Variants in CNTN6 observed in about 807,000 individuals in gnomAD.
CNTN6 encodes contactin-6.
Under a neutral mutation model 122.8 loss-of-function variants are expected in CNTN6, and 137 were observed. That is an observed-to-expected ratio of 1.12 (90% CI 0.97 to 1.29). The LOEUF (loss-of-function observed/expected upper bound fraction) is 1.29, where lower values mean the gene tolerates loss of function less well. Among genes scored for constraint, CNTN6 ranks in the 50% most tolerant of loss-of-function variants. The pLI is 0.00. For synonymous variants in CNTN6, 570 were observed against 426.0 expected (o/e 1.34, Z -4.16); for missense variants, 1,634 against 1,223.4 (o/e 1.34, Z -5.01).
chr3:1,139,853 G>A (rs375120146), intron 1 of CNTN6, among the ~76,000 whole-genome samples: 1 of 152,178 alleles, frequency 6.6e-6, no homozygotes, highest in South Asian at 2.1e-4. Context: ...AGCAGCGTAT[G>A]ACTGGTTGAA....
intron 3 of CNTN6, among the ~76,000 whole-genome samples, chr3:1,222,814 C>G (rs1460357998): frequency 6.6e-6 from 1 of 151,950 alleles, no homozygotes; most frequent in Admixed American, 6.6e-5. Context: ...GGCACTAACC[C>G]TGGTGCTTAT....
At chr3:1,232,199 G>C (rs745549867) in intron 4 of CNTN6, among the ~76,000 whole-genome samples, 4 of 152,096 alleles carry the variant, frequency 2.6e-5, no homozygotes, top group Admixed American at 6.6e-5. Context: ...TCATGAATGG[G>C]GCTTTTTGAT....
At chr3:1,373,072 T>C (rs1709306309) in intron 14 of CNTN6, 117 bp downstream of exon 14, 11 of 640,630 alleles carry the variant, frequency 1.7e-5, no homozygotes, top group Admixed American at 2.8e-5. Context: ...TGTAATCAGA[T>C]AGAGTTTTAT....
chr3:1,306,587 GT>G (rs1698393635), intron 7 of CNTN6, among the ~76,000 whole-genome samples: 1 of 152,134 alleles, frequency 6.6e-6, no homozygotes, highest in African/African-American at 2.4e-5. Flanking sequence ...AACTTCACTT[GT>G]CAATAGCTGG....
At chr3:1,130,482 T>C (rs1287263726) in intron 1 of CNTN6, among the ~76,000 whole-genome samples, 2 of 152,088 alleles carry the variant, frequency 1.3e-5, no homozygotes, top group African/African-American at 4.8e-5. Flanking sequence ...AATTGATAAA[T>C]AAATACCCAT....
intron 6 of CNTN6, 37 bp from the exon 7 acceptor site, chr3:1,297,852 C>A: frequency 6.6e-7 from 1 of 1,513,270 alleles, no homozygotes; most frequent in Non-Finnish European, 9.1e-7. Context: ...AACTTCTATT[C>A]TCCAGAAATG....
chr3:1,234,799 C>T (rs2094400803), intron 4 of CNTN6, among the ~76,000 whole-genome samples: 1 of 152,070 alleles, frequency 6.6e-6, no homozygotes, highest in Admixed American at 6.6e-5. Flanking sequence ...GTATCATTTG[C>T]AAATAGCATA....
chr3:1,109,045 G>A (rs1302201414), intron 1 of CNTN6, among the ~76,000 whole-genome samples: 1 of 151,980 alleles, frequency 6.6e-6, no homozygotes, highest in Non-Finnish European at 1.5e-5. Flanking sequence ...TTTAATTGTG[G>A]CAAAAGAGAA....
Position 1,140,143 on chromosome 3 carries a change from G to T in CNTN6, c.-82-7784G>T, listed in dbSNP as rs143584623. ...TTTGTCCAATGAATAAGTATTTCTT[G>T]TCACCTTTTTAGGAACGGAAAGTCA... is the stretch of plus-strand genomic sequence containing the variant. On this transcript the variant is annotated intron_variant, in intron 1 of 22. Transcript: ENST00000446702. Among the ~76,000 whole-genome samples, 5 of 152,268 alleles carry T rather than the reference G, an allele frequency of 3.3e-5. No homozygotes were observed. In the East Asian group the frequency reaches 5.8e-4, roughly 18 times the overall value.
At chr3:1,265,197 T>A (rs1184976549) in intron 4 of CNTN6, among the ~76,000 whole-genome samples, 2 of 152,102 alleles carry the variant, frequency 1.3e-5, no homozygotes, top group Non-Finnish European at 2.9e-5. Flanking sequence ...GCATACTGAT[T>A]TCAATTTCTT....
intron 4 of CNTN6, among the ~76,000 whole-genome samples, 177 bp from the exon 5 acceptor site, chr3:1,278,236 C>G (rs1307467752): frequency 6.6e-6 from 1 of 152,142 alleles, no homozygotes; most frequent in Non-Finnish European, 1.5e-5. Context: ...AAGAAAGAAA[C>G]ACAAGATTTT....
chr3:1,093,034 G>A lies in CNTN6; in HGVS notation c.-169G>A, dbSNP rs559035993. ...CTGCATAGACATTCCATACGGCTTG[G>A]TTCTGCCTGGACGCACAGCATGCCT... On this transcript the variant is annotated 5_prime_UTR_variant, in exon 1 of 23. Coordinates refer to ENST00000446702, the MANE Select transcript of CNTN6 (RefSeq NM_001289080.2). 1 of 343,678 alleles carries A rather than the reference G, an allele frequency of 2.9e-6. No homozygotes were observed. The allele number at this position is 343,678 out of a possible 1,614,324, so 21.3% of individuals were successfully genotyped here. A position where few individuals can be genotyped will look rare whatever the true frequency, so the allele number is the denominator to read the frequency against.
In CNTN6 at chr3:1,253,762, AAC is replaced by A. The variant is rs373050864; in HGVS notation, c.359-24648_359-24647del. Reference sequence around the variant, plus strand: ...TGACAGGAGGCAGAATTCAGGCGGTAACACTCTCTCACCTGCCACTCACCTCA... The same window carrying A: ...TGACAGGAGGCAGAATTCAGGCGGTAACTCTCTCACCTGCCACTCACCTCA... On this transcript the variant is annotated intron_variant, in intron 4 of 22. Coordinates refer to ENST00000446702, the MANE Select transcript of CNTN6 (RefSeq NM_001289080.2). 9.2e-5 allele frequency among the ~76,000 whole-genome samples: 14 copies of A among 152,230 alleles called. No individual in the cohort carries two copies. The East Asian group carries it at 2.3e-3, about 25-fold the overall frequency.
At chr3:1,287,861 T>C (rs1372511968) in intron 5 of CNTN6, among the ~76,000 whole-genome samples, 1 of 152,220 alleles carries the variant, frequency 6.6e-6, no homozygotes, top group African/African-American at 2.4e-5. Flanking sequence ...TCTCCTCCTC[T>C]TTCCCAGAAA....
chr3:1,265,068 G>A (rs375000615), intron 4 of CNTN6, among the ~76,000 whole-genome samples: 84 of 101,708 alleles, frequency 8.3e-4, no homozygotes, highest in African/African-American at 3.3e-3. Context: ...TTTTTTGGCT[G>A]GATAGGGATA....
At chr3:1,308,408 T>G (rs189450712) in intron 7 of CNTN6, among the ~76,000 whole-genome samples, 57 of 151,776 alleles carry the variant, frequency 3.8e-4, no homozygotes, top group African/African-American at 1.3e-3. Context: ...ATAGAAGCAG[T>G]CATGTCTCCA....
chr3:1,232,117 A>T (rs1024965918), intron 4 of CNTN6, among the ~76,000 whole-genome samples: 3 of 152,224 alleles, frequency 2.0e-5, no homozygotes, highest in African/African-American at 7.2e-5. Context: ...TATCACTCAG[A>T]TGTAATTTTT....
chr3:1,212,203 T>A (rs1559522183), intron 2 of CNTN6, among the ~76,000 whole-genome samples: 1 of 151,796 alleles, frequency 6.6e-6, no homozygotes, highest in Non-Finnish European at 1.5e-5. Flanking sequence ...CATTTATTTT[T>A]CAGTGTCTAC....
At chr3:1,245,313 T>TAG (rs553879529) in intron 4 of CNTN6, among the ~76,000 whole-genome samples, 1 of 17,516 alleles carries the variant, frequency 5.7e-5, no homozygotes, top group Non-Finnish European at 1.1e-4. Context: ...TATATATATA[T>TAG]ATATATATAT....
Sources: allele counts gnomAD v4.1 joint callset (sites outside exome capture counted in the v4.1 genomes callset), GRCh38; gene constraint gnomAD v4.1.1; transcripts MANE v1.5; gene names NCBI Gene and HGNC (gene_info 2026-07-23, HGNC 2026-07-21).